FAM117B: variants seen among roughly 807,000 people sequenced by gnomAD.
FAM117B encodes the protein family with sequence similarity 117 member B, also known as protein FAM117B.
In FAM117B, 22 loss-of-function variants were observed where a neutral mutation model predicts 52.8. That is an observed-to-expected ratio of 0.42 (90% CI 0.30 to 0.59). The LOEUF (loss-of-function observed/expected upper bound fraction) is 0.59, where lower values mean the gene tolerates loss of function less well. FAM117B is among the 20% of genes least tolerant of loss of function. The pLI is 0.22. For missense variants in FAM117B, 678 were observed against 802.6 expected (o/e 0.84, Z 1.88); for synonymous variants, 309 against 324.1 (o/e 0.95, Z 0.50).
chr2:202,638,249 C>T (rs1454905825), intron 1 of FAM117B, among the ~76,000 whole-genome samples: 1 of 152,156 alleles, frequency 6.6e-6, no homozygotes, highest in African/African-American at 2.4e-5. Context: ...CAGCATAGTG[C>T]ATCAGGTGGA....
chr2:202,743,776 G>T (rs1691587098), intron 4 of FAM117B, among the ~76,000 whole-genome samples: 1 of 152,158 alleles, frequency 6.6e-6, no homozygotes, highest in South Asian at 2.1e-4. Context: ...CAATAGACTA[G>T]ATCAAGCAAA....
At chr2:202,671,426 C>T (rs1690297449) in intron 1 of FAM117B, among the ~76,000 whole-genome samples, 1 of 152,208 alleles carries the variant, frequency 6.6e-6, no homozygotes, top group South Asian at 2.1e-4. Context: ...ACATTTACTA[C>T]CTCTTGCCCT....
At chr2:202,689,792 C>G (rs1296803285) in intron 1 of FAM117B, among the ~76,000 whole-genome samples, 2 of 151,960 alleles carry the variant, frequency 1.3e-5, no homozygotes, top group Non-Finnish European at 2.9e-5. Flanking sequence ...GTGGTGCGTG[C>G]CTGTGGTCTC....
Position 202,635,378 on chromosome 2 carries a change from A to G in FAM117B, c.191A>G (p.Asn64Ser), listed in dbSNP as rs1201919230. The G allele has an allele frequency of 1.1e-5, 15 of 1,360,550 alleles. No individual in the cohort carries two copies. The highest frequency in any genetic ancestry group is 9.4e-7 in the Non-Finnish European group (1 of 1,059,486). 84.3% of individuals were successfully genotyped at this position (1,360,550 alleles called of 1,614,324 possible). The change falls in exon 1 of 8, where the codon AAC (asparagine) becomes AGC (serine). Residue 64 changes from asparagine to serine, a missense_variant. This residue lies in a region of FAM117B where 583 missense variants were observed against 644.8 expected (regional missense o/e 0.90). Coordinates refer to ENST00000392238, the MANE Select transcript of FAM117B (RefSeq NM_173511.4). ...PTRSGGGGGG[N>S]NNGGCCGGAS... is the part of the protein sequence containing the mutation. ...CGGAGCGGCGGCGGCGGCGGCGGCA[A>G]CAACAACGGTGGCTGCTGTGGTGGC...
intron 1 of FAM117B, among the ~76,000 whole-genome samples, chr2:202,669,296 T>A (rs916603348): frequency 6.6e-6 from 1 of 152,146 alleles, no homozygotes; most frequent in Non-Finnish European, 1.5e-5. Flanking sequence ...AAGAAAAAAC[T>A]TAATCTTTAA....
chr2:202,640,293 AAAATATAT>A (rs1277633787), intron 1 of FAM117B, among the ~76,000 whole-genome samples: 2,683 of 61,642 alleles, frequency 0.044, 230 homozygotes, highest in Non-Finnish European at 0.06. Context: ...CCACCACCAC[AAAATATAT>A]ATATATATAT....
In FAM117B at chr2:202,730,675, A is replaced by G. The variant is rs144582583; in HGVS notation, c.960+4312A>G. On this transcript the variant is annotated intron_variant, in intron 4 of 7. Transcript: ENST00000392238. Reference sequence around the variant, plus strand: ...GATAGAGTTCTCTAAATAAACAAACAAACAATGAAAAAATAAAAAATGAAA... The same window carrying G: ...GATAGAGTTCTCTAAATAAACAAACGAACAATGAAAAAATAAAAAATGAAA... Among the ~76,000 whole-genome samples, 68 of 152,330 alleles carry G rather than the reference A, an allele frequency of 4.5e-4. No individual in the cohort carries two copies. The East Asian group carries it at 0.013, about 28-fold the overall frequency.
At chr2:202,754,899 A>G (rs1038571989) in intron 4 of FAM117B, among the ~76,000 whole-genome samples, 40 of 151,114 alleles carry the variant, frequency 2.6e-4, no homozygotes, top group African/African-American at 9.7e-4. Flanking sequence ...AAAAAAAAAA[A>G]AAAAAAAAGA....
In FAM117B at chr2:202,768,080, A is replaced by G. The variant is rs963715343; in HGVS notation, c.*2316A>G. ...ATGGGGGTAGAGGAAGTTAAAAACA[A>G]GTTATTTAAAAAGAACTCTTGGTTT... On this transcript the variant is annotated 3_prime_UTR_variant, in exon 8 of 8. Coordinates refer to ENST00000392238, the MANE Select transcript of FAM117B (RefSeq NM_173511.4). The G allele has an allele frequency of 2.0e-5, 3 of 152,224 alleles. No homozygotes were observed. The highest frequency in any genetic ancestry group is 7.2e-5 in the African/African-American group (3 of 41,462). 9.4% of individuals were successfully genotyped at this position (152,224 alleles called of 1,614,324 possible).
intron 2 of FAM117B, among the ~76,000 whole-genome samples, chr2:202,716,725 T>C (rs887752832): frequency 3.9e-5 from 6 of 152,218 alleles, no homozygotes; most frequent in Admixed American, 1.3e-4. Context: ...CTTTTGTCTC[T>C]TCTGAGTCTG....
rs762926699 is a variant in FAM117B, at chr2:202,759,372, A to G, written c.1451+19A>G. 3 of 1,591,094 alleles carry G rather than the reference A, an allele frequency of 1.9e-6. No homozygotes were observed. Among genetic ancestry groups the G allele is most frequent in the Non-Finnish European group, 2.6e-6 (3 of 1,173,244 alleles). On this transcript the variant is annotated intron_variant, in intron 7 of 7. Transcript: ENST00000392238. ...AATGCTCGTAAGTATCCCTTCCACC[A>G]TCCCCACAAAAAAACTATTATGAGC...
intron 5 of FAM117B, among the ~76,000 whole-genome samples, chr2:202,755,998 T>TG (rs1257638059): frequency 1.3e-5 from 2 of 152,354 alleles, no homozygotes; most frequent in East Asian, 1.9e-4. Flanking sequence ...TTACTAATTA[T>TG]GGGGGGCAGA....
intron 5 of FAM117B, among the ~76,000 whole-genome samples, chr2:202,756,644 C>T (rs527532039): frequency 5.3e-5 from 8 of 152,018 alleles, no homozygotes; most frequent in East Asian, 1.9e-4. Context: ...GGTACAGATT[C>T]CCTGATGTAA....
At chr2:202,734,289 A>G (rs1437634741) in intron 4 of FAM117B, among the ~76,000 whole-genome samples, 1 of 152,162 alleles carries the variant, frequency 6.6e-6, no homozygotes, top group Non-Finnish European at 1.5e-5. Context: ...AGGGAGGCTG[A>G]GGTGGGGGGA....
At chr2:202,730,396 G>A (rs988307163) in intron 4 of FAM117B, among the ~76,000 whole-genome samples, 4 of 152,166 alleles carry the variant, frequency 2.6e-5, no homozygotes, top group Non-Finnish European at 4.4e-5. Context: ...AAGGCCGGCC[G>A]TGGTGGTTCA....
intron 1 of FAM117B, among the ~76,000 whole-genome samples, chr2:202,670,549 A>G (rs990986846): frequency 7.2e-5 from 11 of 151,762 alleles, no homozygotes; most frequent in African/African-American, 2.7e-4. Context: ...CAGCCTCCCA[A>G]AGTACTGGGA....
intron 3 of FAM117B, among the ~76,000 whole-genome samples, chr2:202,725,856 A>G (rs1691235116): frequency 6.6e-6 from 1 of 152,224 alleles, no homozygotes; most frequent in Non-Finnish European, 1.5e-5. Flanking sequence ...ACTTGAGTTG[A>G]TTTTTAAATA....
At chr2:202,726,041 C>T (rs1349743530) in intron 3 of FAM117B, among the ~76,000 whole-genome samples, 1 of 151,856 alleles carries the variant, frequency 6.6e-6, no homozygotes, top group African/African-American at 2.4e-5. Flanking sequence ...TTGGGAAGCT[C>T]GAAGGCTGAG....
intron 2 of FAM117B, among the ~76,000 whole-genome samples, chr2:202,711,280 T>C (rs150195071): frequency 1.4e-3 from 216 of 152,296 alleles, no homozygotes; most frequent in African/African-American, 5.0e-3. Flanking sequence ...CATCTCATTG[T>C]AGTTTTGATT....
Sources: gnomAD v4.1 joint callset for allele counts (sites outside exome capture counted in the v4.1 genomes callset) on GRCh38, gnomAD v4.1.1 for gene constraint, gnomAD v4.1.1 regional missense constraint, MANE v1.5 for transcripts, NCBI Gene and HGNC (gene_info 2026-07-23, HGNC 2026-07-21) for gene names.